Variants in FAT3 observed in about 807,000 individuals in gnomAD.
FAT3 encodes the protein protocadherin Fat 3.
Under a neutral mutation model 310.2 loss-of-function variants are expected in FAT3, and 95 were observed. That is an observed-to-expected ratio of 0.31 (90% CI 0.26 to 0.36). FAT3 has a LOEUF of 0.36. FAT3 is among the 10% of genes least tolerant of loss of function. The probability of loss-of-function intolerance (pLI) is 1.00; values close to 1 mark genes in which losing one functional copy is unlikely to be tolerated. For missense variants in FAT3, 5,408 were observed against 5,715.6 expected (o/e 0.95, Z 1.74); for synonymous variants, 2,314 against 2,192.9 (o/e 1.06, Z -1.54).
intron 2 of FAT3, among the ~76,000 whole-genome samples, chr11:92,471,619 T>C (rs1951904845): frequency 6.6e-6 from 1 of 152,114 alleles, no homozygotes; most frequent in African/African-American, 2.4e-5. Flanking sequence ...TCAGCAACTT[T>C]GGAGGACAAC....
At chr11:92,653,750 T>C (rs142441191) in intron 3 of FAT3, among the ~76,000 whole-genome samples, 11 of 152,348 alleles carry the variant, frequency 7.2e-5, no homozygotes, top group African/African-American at 2.4e-4. Context: ...ACATTGTCTC[T>C]TCTTGGCTGC....
chr11:92,291,560 T>C (rs568209652), intron 1 of FAT3, among the ~76,000 whole-genome samples: 7 of 150,696 alleles, frequency 4.6e-5, no homozygotes, highest in Admixed American at 1.3e-4. Flanking sequence ...CTTACAGATA[T>C]ATAGTGTGTG....
intron 4 of FAT3, among the ~76,000 whole-genome samples, chr11:92,726,952 C>G (rs528769364): frequency 7.6e-4 from 116 of 151,892 alleles, no homozygotes; most frequent in African/African-American, 2.6e-3. Context: ...TCCACATCTC[C>G]CTAGGATTCT....
chr11:92,734,769 G>GCACAGC (rs1456529578), intron 4 of FAT3, among the ~76,000 whole-genome samples: 1 of 152,110 alleles, frequency 6.6e-6, no homozygotes, highest in Non-Finnish European at 1.5e-5. Context: ...GGAAGAGTAG[G>GCACAGC]CACAGCGTGT....
intron 3 of FAT3, among the ~76,000 whole-genome samples, chr11:92,633,290 T>A (rs1332785733): frequency 6.6e-6 from 1 of 152,210 alleles, no homozygotes; most frequent in Non-Finnish European, 1.5e-5. Context: ...GAGTCCTAGT[T>A]TCACTTGGGC....
chr11:92,806,556 T>G (rs779917073), intron 12 of FAT3, 41 bp downstream of exon 12: 1 of 1,500,814 alleles, frequency 6.7e-7, no homozygotes, highest in Non-Finnish European at 9.0e-7. Context: ...TCATTGTTAA[T>G]TCATGAGAGA....
chr11:92,854,336 C>T (rs1948914487), intron 19 of FAT3, among the ~76,000 whole-genome samples: 3 of 152,130 alleles, frequency 2.0e-5, no homozygotes, highest in Admixed American at 2.0e-4. Context: ...TGCAGGGATG[C>T]CCAGGTCCAG....
chr11:92,422,207 T>G (rs1950546318), intron 2 of FAT3, among the ~76,000 whole-genome samples: 1 of 152,186 alleles, frequency 6.6e-6, no homozygotes, highest in Non-Finnish European at 1.5e-5. Context: ...AAGACAAGTT[T>G]GCTTTCTTTA....
intron 3 of FAT3, among the ~76,000 whole-genome samples, chr11:92,628,302 A>G (rs1257376587): frequency 6.6e-6 from 1 of 152,154 alleles, no homozygotes; most frequent in Non-Finnish European, 1.5e-5. Context: ...CTCTCTTCAT[A>G]AGGCCTTTTT....
At chr11:92,230,800 AG>A in intron 1 of FAT3, among the ~76,000 whole-genome samples, 1 of 152,336 alleles carries the variant, frequency 6.6e-6, no homozygotes, top group Non-Finnish European at 1.5e-5. Flanking sequence ...AATTGACAAA[AG>A]AATGTCTATG....
At chr11:92,701,849 C>G (rs887383249) in intron 4 of FAT3, among the ~76,000 whole-genome samples, 9 of 152,266 alleles carry the variant, frequency 5.9e-5, no homozygotes, top group African/African-American at 2.2e-4. Context: ...ATTATATAAT[C>G]ACTTGTATGG....
Position 92,524,833 on chromosome 11 carries a change from CG to C in FAT3, c.3493del (p.Val1165TyrfsTer19). 1 of 1,613,784 alleles carries C rather than the reference CG, an allele frequency of 6.2e-7. No homozygotes were observed. The highest frequency in any genetic ancestry group is 1.1e-5 in the South Asian group (1 of 91,072). On this transcript the variant is annotated frameshift_variant, in exon 3 of 28. Transcript: ENST00000525166. LOFTEE classifies it high-confidence loss of function. Reference protein sequence around the residue: ...PVVMENSPKDVSVIQIQAEDP... With the variant: ...PVVMENSPKDXSVIQIQAEDP... ...TTGTCATGGAAAACTCTCCAAAGGA[CG>C]TATCTGTCATTCAGATCCAGGCTGA...
intron 4 of FAT3, among the ~76,000 whole-genome samples, chr11:92,747,409 C>T (rs909361377): frequency 6.6e-6 from 1 of 152,220 alleles, no homozygotes; most frequent in African/African-American, 2.4e-5. Context: ...TGAGGCTGCA[C>T]AGAGCAGGGG....
At chr11:92,465,520 CATT>C (rs568977001) in intron 2 of FAT3, among the ~76,000 whole-genome samples, 98 of 151,878 alleles carry the variant, frequency 6.5e-4, no homozygotes, top group Non-Finnish European at 9.9e-4. Flanking sequence ...GATGGTATCT[CATT>C]GTGGTTTTGA....
In FAT3 at chr11:92,821,607, G is replaced by A. The variant is rs1254312569; in HGVS notation, c.9482-10015G>A. On this transcript the variant is annotated intron_variant, in intron 13 of 27. Transcript: ENST00000525166. ...ACACTGTGGTCAAAGCCTTTTGTCT[G>A]TTGTAGATATCAAAAATATCATCTT... 4.6e-5 allele frequency among the ~76,000 whole-genome samples: 7 copies of A among 152,306 alleles called. No individual in the cohort carries two copies. In the East Asian group the frequency reaches 1.3e-3, roughly 29 times the overall value.
rs535726190 is a variant in FAT3, at chr11:92,239,818, G to T, written c.-18+14644G>T. On this transcript the variant is annotated intron_variant, in intron 1 of 27. Transcript: ENST00000525166. ...GATTAGGGGTCTTATTTGCATAAAAGAGTCTTTGAATCACAATTACCCTCT... is the reference window on the plus strand; with the variant it reads ...GATTAGGGGTCTTATTTGCATAAAATAGTCTTTGAATCACAATTACCCTCT... 6.6e-5 allele frequency among the ~76,000 whole-genome samples: 10 copies of T among 152,176 alleles called. No homozygotes were observed. The East Asian group carries it at 1.9e-3, about 29-fold the overall frequency.
At chr11:92,608,398 T>C (rs1232647229) in intron 3 of FAT3, among the ~76,000 whole-genome samples, 1 of 152,184 alleles carries the variant, frequency 6.6e-6, no homozygotes, top group East Asian at 1.9e-4. Context: ...GTTGTTACTT[T>C]TCAACCTTGT....
At chr11:92,427,493 T>C (rs1440875409) in intron 2 of FAT3, among the ~76,000 whole-genome samples, 2 of 152,326 alleles carry the variant, frequency 1.3e-5, no homozygotes, top group East Asian at 3.9e-4. Flanking sequence ...CAGTATGATA[T>C]TGGCTGTGGA....
At position 92,649,874 on chromosome 11, in the gene FAT3, CATATATATATATATAT is replaced by C. The variant is rs10528724; in HGVS notation, c.3608-47483_3608-47468del. ...TTGTTAAACACCCACTTTGTATGTTCATATATATATATATATATATATATATATATATATATATATA... is the reference window on the plus strand; with the variant it reads ...TTGTTAAACACCCACTTTGTATGTTCATATATATATATATATATATATATA... On this transcript the variant is annotated intron_variant, in intron 3 of 27. Transcript: ENST00000525166. 7.9e-4 allele frequency among the ~76,000 whole-genome samples: 39 copies of C among 49,658 alleles called. 2 individuals are homozygous for C. Among genetic ancestry groups the C allele is most frequent in the South Asian group, 5.2e-3 (6 of 1,154 alleles). 32.6% of individuals were successfully genotyped at this position (49,658 alleles called of 152,430 possible).
Sources: allele counts gnomAD v4.1 joint callset (sites outside exome capture counted in the v4.1 genomes callset), GRCh38; gene constraint gnomAD v4.1.1; transcripts MANE v1.5; gene names NCBI Gene and HGNC (gene_info 2026-07-23, HGNC 2026-07-21).